The following NAALADL2 variants were observed in gnomAD, a reference collection of about 807,000 sequenced individuals.
NAALADL2 encodes the protein N-acetylated alpha-linked acidic dipeptidase like 2.
In NAALADL2, 76 loss-of-function variants were observed where a neutral mutation model predicts 87.2. The observed-to-expected ratio is 0.87, with a 90% confidence interval of 0.72 to 1.05. The LOEUF (loss-of-function observed/expected upper bound fraction) is 1.05, where lower values mean the gene tolerates loss of function less well. Ranked by LOEUF, NAALADL2 falls within the 50% of genes least tolerant of loss-of-function variation. NAALADL2 has a pLI of 0.00. For missense variants in NAALADL2, 1,089 were observed against 945.8 expected, an observed-to-expected ratio of 1.15 and a Z score of -1.99; for synonymous variants, 354 against 331.0, an observed-to-expected ratio of 1.07 and a Z score of -0.75.
chr3:174,857,757 A>T (rs1726011207), upstream of NAALADL2, among the ~76,000 whole-genome samples: 1 of 152,114 alleles, frequency 6.6e-6, no homozygotes. Context: ...ATTTTAAATC[A>T]GAGGCTCCTG....
intron 2 of NAALADL2, among the ~76,000 whole-genome samples, chr3:174,702,591 T>G (rs1275677553): frequency 6.6e-6 from 1 of 152,190 alleles, no homozygotes; most frequent in African/African-American, 2.4e-5. Flanking sequence ...TTACACAAAC[T>G]TAGATGGTAT....
At chr3:175,401,012 T>G (rs1262893732) in intron 5 of NAALADL2, among the ~76,000 whole-genome samples, 1 of 152,306 alleles carries the variant, frequency 6.6e-6, no homozygotes, top group Non-Finnish European at 1.5e-5. Context: ...TTCTCTAAAG[T>G]TAGCGGCTTT....
At chr3:174,557,344 G>T (rs1171141826) in intron 2 of NAALADL2, among the ~76,000 whole-genome samples, 1 of 151,880 alleles carries the variant, frequency 6.6e-6, no homozygotes, top group East Asian at 1.9e-4. Context: ...AAATTTAGCT[G>T]CTTTTTAGTC....
At chr3:175,769,270 C>G (rs984014340) in intron 13 of NAALADL2, among the ~76,000 whole-genome samples, 1 of 152,300 alleles carries the variant, frequency 6.6e-6, no homozygotes, top group East Asian at 1.9e-4. Context: ...TCAACCTTAC[C>G]CTTTGGGACT....
At chr3:174,646,151 C>T (rs757466251) in intron 2 of NAALADL2, among the ~76,000 whole-genome samples, 6 of 151,974 alleles carry the variant, frequency 3.9e-5, no homozygotes, top group Non-Finnish European at 8.8e-5. Flanking sequence ...TCAAATAAAA[C>T]ACTAAAGTGA....
chr3:175,485,884 C>T (rs889370732), intron 9 of NAALADL2, among the ~76,000 whole-genome samples: 5 of 152,152 alleles, frequency 3.3e-5, no homozygotes, highest in African/African-American at 7.2e-5. Context: ...GAAGAAGAGA[C>T]AGGAAAGAAC....
intron 1 of NAALADL2, among the ~76,000 whole-genome samples, chr3:175,042,758 C>T (rs1754234150): frequency 6.6e-6 from 1 of 152,046 alleles, no homozygotes; most frequent in Non-Finnish European, 1.5e-5. Context: ...CTATTCAGTT[C>T]CACTATGGTT....
rs192538285 is a variant in NAALADL2, at chr3:174,997,304, T to C, written c.44-99486T>C. ...TACATTCCCACCAGCAGTGTAACAG[T>C]GTTCCCTTTCATTACATCCACACCA... On this transcript the variant is annotated intron_variant, in intron 1 of 13. Transcript: ENST00000454872. Among the ~76,000 whole-genome samples, 325 of 152,210 alleles carry C rather than the reference T, an allele frequency of 2.1e-3. 2 individuals carry two copies. Among genetic ancestry groups the C allele is most frequent in the African/African-American group, 7.4e-3 (306 of 41,542 alleles).
chr3:174,684,243 G>T (rs2108834977), intron 2 of NAALADL2, among the ~76,000 whole-genome samples: 1 of 151,972 alleles, frequency 6.6e-6, no homozygotes, highest in East Asian at 1.9e-4. Flanking sequence ...AGATTCAGGT[G>T]GAGTAAATAA....
intron 2 of NAALADL2, among the ~76,000 whole-genome samples, chr3:174,672,819 A>G (rs1726688897): frequency 1.3e-5 from 2 of 152,018 alleles, no homozygotes; most frequent in African/African-American, 4.8e-5. Context: ...TAAGGAGGTC[A>G]CTGTAACTCA....
intron 8 of NAALADL2, 64 bp downstream of exon 8, chr3:175,467,248 T>A: frequency 7.0e-7 from 1 of 1,421,960 alleles, no homozygotes; most frequent in Non-Finnish European, 9.6e-7. Context: ...GTAGACAAAG[T>A]AAAATTTTCA....
chr3:175,771,964 T>C (rs1452428539), intron 13 of NAALADL2, among the ~76,000 whole-genome samples: 1 of 152,106 alleles, frequency 6.6e-6, no homozygotes, highest in African/African-American at 2.4e-5. Flanking sequence ...CTCACTATCA[T>C]GAGAACAGCA....
At position 174,569,734 on chromosome 3, in the gene NAALADL2, A is replaced by G. The variant is rs146766366; in HGVS notation, c.-115+19097A>G. 9.5e-3 allele frequency among the ~76,000 whole-genome samples: 1,454 copies of G among 152,262 alleles called. 11 individuals are homozygous for G. The highest frequency in any genetic ancestry group is 0.024 in the Middle Eastern group (7 of 294). ...TCTAGGCTAGTTTAGCTGTACTGCT[A>G]TGAGATGACACTTTTGGGTTAACAC... On this transcript the variant is annotated intron_variant, in intron 2 of 3. Coordinates refer to the NAALADL2 transcript ENST00000434257.
chr3:175,265,592 ATC>A (rs1262594993), intron 4 of NAALADL2, among the ~76,000 whole-genome samples: 1 of 151,616 alleles, frequency 6.6e-6, no homozygotes, highest in Non-Finnish European at 1.5e-5. Context: ...GAATTTTACT[ATC>A]TGTTACTATA....
chr3:175,161,968 G>T (rs941256605), intron 2 of NAALADL2, among the ~76,000 whole-genome samples: 2 of 152,062 alleles, frequency 1.3e-5, no homozygotes, highest in African/African-American at 4.8e-5. Flanking sequence ...TCATATCTGG[G>T]TGTGACTTTC....
At chr3:175,251,008 G>T (rs552090705) in intron 3 of NAALADL2, among the ~76,000 whole-genome samples, 2 of 152,136 alleles carry the variant, frequency 1.3e-5, no homozygotes, top group African/African-American at 4.8e-5. Flanking sequence ...ATCTGATTTG[G>T]TTTCCAGAGG....
intron 3 of NAALADL2, among the ~76,000 whole-genome samples, chr3:174,783,802 A>G (rs539891960): frequency 1.8e-4 from 27 of 152,018 alleles, no homozygotes; most frequent in Admixed American, 1.6e-3. Flanking sequence ...CTGATTCTCA[A>G]TCCTAGCTAT....
intron 3 of NAALADL2, among the ~76,000 whole-genome samples, chr3:174,738,640 G>A (rs868669997): frequency 3.9e-5 from 6 of 152,088 alleles, no homozygotes; most frequent in African/African-American, 1.4e-4. Context: ...GGGTAGAGAG[G>A]GGGGAGGGTT....
At chr3:174,943,851 AGCAAAGTCAGTTCCACT>A (rs1488274700) in intron 1 of NAALADL2, among the ~76,000 whole-genome samples, 1 of 152,172 alleles carries the variant, frequency 6.6e-6, no homozygotes, top group Non-Finnish European at 1.5e-5. Flanking sequence ...GTCCAAGAAT[AGCAAAGTCAGTTCCACT>A]GCAGAGGCAG....
Sources: gnomAD v4.1 joint callset for allele counts (sites outside exome capture counted in the v4.1 genomes callset) on GRCh38, gnomAD v4.1.1 for gene constraint, MANE v1.5 for transcripts, NCBI Gene and HGNC (gene_info 2026-07-23, HGNC 2026-07-21) for gene names.